Variants in ZBTB25 observed in about 807,000 individuals in gnomAD.
The protein encoded by ZBTB25 is zinc finger and BTB domain-containing protein 25.
In ZBTB25, 20 loss-of-function variants were observed where a neutral mutation model predicts 34.2. That is an observed-to-expected ratio of 0.58 (90% CI 0.41 to 0.85). The LOEUF (loss-of-function observed/expected upper bound fraction) is 0.85. Among genes scored for constraint, ZBTB25 ranks in the 40% least tolerant of loss-of-function variants. ZBTB25 has a pLI of 0.00. For synonymous variants in ZBTB25, 175 were observed against 186.4 expected, an observed-to-expected ratio of 0.94 and a Z score of 0.50; for missense variants, 437 against 521.8, an observed-to-expected ratio of 0.84 and a Z score of 1.58.
intron 2 of ZBTB25, among the ~76,000 whole-genome samples, chr14:64,459,148 T>G (rs1157578498): frequency 6.6e-6 from 1 of 152,214 alleles, no homozygotes; most frequent in African/African-American, 2.4e-5. Context: ...TCTGGATATT[T>G]TCAGACGTGC....
chr14:64,487,705 G>C lies in ZBTB25; in HGVS notation c.526C>G (p.Leu176Val). The change falls in exon 3 of 3, where the codon CTG becomes GTG. Residue 176 changes from leucine (L) to valine (V), a missense_variant. Leu to Val is a conservative substitution (Grantham distance 32). Coordinates refer to ENST00000608382, the MANE Select transcript of ZBTB25 (RefSeq NM_006977.5). Reference protein sequence around the residue: ...PQLQLSLAIGLDDGTADQQRA... With the variant: ...PQLQLSLAIGVDDGTADQQRA... ...TGCTGGTCTGCAGTGCCATCATCCA[G>C]ACCAATAGCAAGAGACAACTGCAAC... 6.2e-7 allele frequency: 1 copy of C among 1,613,264 alleles called. No individual in the cohort carries two copies. The highest frequency in any genetic ancestry group is 1.1e-5 in the South Asian group (1 of 90,934).
Position 64,490,456 on chromosome 14 carries a change from G to GCAAT in ZBTB25, c.74_77dup (p.Cys26Ter). 1 of 1,613,834 alleles carries GCAAT rather than the reference G, an allele frequency of 6.2e-7. No individual in the cohort carries two copies. The highest frequency in any genetic ancestry group is 1.1e-5 in the South Asian group (1 of 91,050). On this transcript the variant is annotated stop_gained and frameshift_variant, in exon 2 of 3. Transcript: ENST00000608382. LOFTEE classifies it high-confidence loss of function. ...AGTAAACATCTCCAATTGCAACTGT[G>GCAAT]CAATCACACAGAAAACCAAATTCTC...
chr14:64,487,285 T>TA lies in ZBTB25; in HGVS notation c.945dup (p.Thr316TyrfsTer25). 4 of 1,614,110 alleles carry TA rather than the reference T, an allele frequency of 2.5e-6. No homozygotes were observed. Among genetic ancestry groups the TA allele is most frequent in the Non-Finnish European group, 3.4e-6 (4 of 1,180,042 alleles). On this transcript the variant is annotated frameshift_variant, in exon 3 of 3. Coordinates refer to ENST00000608382, the MANE Select transcript of ZBTB25 (RefSeq NM_006977.5). LOFTEE classifies it high-confidence loss of function. ...TGACTGATCTGCAAAGGCTCTGTGG[T>TA]ACCCCGGTTGGTGTGGTCTGGCTGC...
intron 2 of ZBTB25, chr14:64,458,047 T>C: frequency 1.5e-6 from 1 of 670,454 alleles, no homozygotes; most frequent in Non-Finnish European, 2.7e-6. Context: ...CATGCCATCA[T>C]ATCCAGCTAA....
intron 2 of ZBTB25, chr14:64,458,168 A>G: frequency 6.9e-7 from 1 of 1,440,248 alleles, no homozygotes; most frequent in South Asian, 1.1e-5. Context: ...GGCGTGAGCC[A>G]CTGTGCCCAG....
intron 1 of ZBTB25, 144 bp downstream of exon 1, chr14:64,503,517 C>G: frequency 1.0e-6 from 1 of 985,836 alleles, no homozygotes; most frequent in Non-Finnish European, 1.2e-6. Context: ...TGCCTGACAT[C>G]TCAATCGGAC....
rs1038597018 is a variant in ZBTB25 at position 64,480,260 on chromosome 14, T to C, written c.*6663A>G. ...ATAGCTTGAACCTGGGATGTGAAGG[T>C]TGCAGTGAGCCGAGATCACTCCACT... On this transcript the variant is annotated 3_prime_UTR_variant, in exon 3 of 3. Transcript: ENST00000608382. 3 of 315,574 alleles carry C rather than the reference T, an allele frequency of 9.5e-6. No homozygotes were observed. The highest frequency in any genetic ancestry group is 9.2e-5 in the Admixed American group (2 of 21,664). The allele number at this position is 315,574 out of a possible 1,614,324, so 19.5% of individuals were successfully genotyped here. A position where few individuals can be genotyped will look rare whatever the true frequency, so the allele number is the denominator to read the frequency against.
At chr14:64,473,283 A>C (rs1428539259), downstream of ZBTB25, 1 of 167,110 alleles carries the variant, frequency 6.0e-6, no homozygotes, top group East Asian at 1.9e-4. Context: ...CACCTCAAAG[A>C]ATAATAAGCA....
Position 64,458,932 on chromosome 14 carries a change from T to G in ZBTB25, c.174-9294A>C, listed in dbSNP as rs2078519380. On this transcript the variant is annotated intron_variant, in intron 2 of 2. Transcript: ENST00000555220. ...GTGTGCACTTATATCCCTAGACACA[T>G]CCTGTTGAAACTGCAAAAATATCAA... is the stretch of plus-strand genomic sequence containing the variant. 1.3e-5 allele frequency among the ~76,000 whole-genome samples: 2 copies of G among 152,196 alleles called. 1 individual carries two copies. The highest frequency in any genetic ancestry group is 4.1e-4 in the South Asian group (2 of 4,828).
downstream of ZBTB25, among the ~76,000 whole-genome samples, chr14:64,477,891 C>T (rs1566591724): frequency 6.6e-6 from 1 of 152,160 alleles, no homozygotes; most frequent in Non-Finnish European, 1.5e-5. Context: ...ACAGACCAGA[C>T]AAGGGATGAC....
At chr14:64,488,782 C>G (rs1206103148) in intron 2 of ZBTB25, among the ~76,000 whole-genome samples, 1 of 152,004 alleles carries the variant, frequency 6.6e-6, no homozygotes, top group South Asian at 2.1e-4. Context: ...TTAATGGGTA[C>G]AAAGTTTCTG....
chr14:64,494,370 C>T (rs928601111), intron 1 of ZBTB25, among the ~76,000 whole-genome samples: 4 of 152,322 alleles, frequency 2.6e-5, no homozygotes, highest in Non-Finnish European at 2.9e-5. Context: ...CAGTGGCCCA[C>T]GCCTGTAATC....
intron 2 of ZBTB25, among the ~76,000 whole-genome samples, chr14:64,451,164 C>CA (rs1388379532): frequency 1.3e-5 from 2 of 149,698 alleles, no homozygotes; most frequent in African/African-American, 2.4e-5. Context: ...AACTTCGTCT[C>CA]AAAAAAAAAA....
At chr14:64,462,112 T>G (rs547405712) in intron 2 of ZBTB25, 4 of 152,366 alleles carry the variant, frequency 2.6e-5, no homozygotes, top group African/African-American at 9.6e-5. Context: ...ACACCTGTAA[T>G]CCCACCACAC....
chr14:64,468,507 A>G, intron 2 of ZBTB25: 1 of 1,614,114 alleles, frequency 6.2e-7, no homozygotes, highest in Non-Finnish European at 8.5e-7. Context: ...CTTTGCTTCA[A>G]GAGAAGAAAG....
chr14:64,474,454 ATTAAT>A (rs1335566110), downstream of ZBTB25: 1 of 167,076 alleles, frequency 6.0e-6, no homozygotes, highest in Non-Finnish European at 1.5e-5. Flanking sequence ...TTCAAGTTGA[ATTAAT>A]TTATGTACTG....
At chr14:64,489,601 T>C (rs2079002833) in intron 2 of ZBTB25, among the ~76,000 whole-genome samples, 3 of 151,070 alleles carry the variant, frequency 2.0e-5, no homozygotes, top group Admixed American at 2.0e-4. Flanking sequence ...AGTGGCGCGA[T>C]CTCGGCTCAC....
intron 2 of ZBTB25, among the ~76,000 whole-genome samples, chr14:64,463,688 A>G (rs1270086527): frequency 6.6e-6 from 1 of 151,648 alleles, no homozygotes; most frequent in African/African-American, 2.4e-5. Context: ...TCCCAGCTGC[A>G]TGGGAGGCTG....
chr14:64,504,935 C>T (rs777081131), upstream of ZBTB25: 72 of 395,620 alleles, frequency 1.8e-4, no homozygotes, highest in Admixed American at 1.2e-3. Flanking sequence ...GCTCTGGTTC[C>T]TGTTGCGGCC....
Sources: allele counts gnomAD v4.1 joint callset (sites outside exome capture counted in the v4.1 genomes callset), GRCh38; gene constraint gnomAD v4.1.1; transcripts MANE v1.5; gene names NCBI Gene and HGNC (gene_info 2026-07-23, HGNC 2026-07-21).